The following GABRG3 variants were observed in gnomAD, a reference collection of about 807,000 sequenced individuals.
The protein encoded by GABRG3 is gamma-aminobutyric acid type A receptor subunit gamma3, also known as gamma-aminobutyric acid receptor subunit gamma-3.
GABRG3 carries 25 observed loss-of-function variants against 48.8 expected under a neutral mutation model. The ratio of observed to expected loss-of-function variants is 0.51; its 90% CI spans 0.37 to 0.72. GABRG3 has a LOEUF of 0.72. Among genes scored for constraint, GABRG3 ranks in the 30% least tolerant of loss-of-function variants. GABRG3 has a pLI of 0.00. For synonymous variants in GABRG3, 227 were observed against 217.6 expected (o/e 1.04, Z -0.38); for missense variants, 394 against 577.9 (o/e 0.68, Z 3.26).
At chr15:27,324,348 G>A (rs945397304) in intron 3 of GABRG3, among the ~76,000 whole-genome samples, 1 of 152,120 alleles carries the variant, frequency 6.6e-6, no homozygotes, top group Non-Finnish European at 1.5e-5. Flanking sequence ...GTACTAAGGT[G>A]GAAAAGGGCC....
intron 3 of GABRG3, among the ~76,000 whole-genome samples, chr15:27,253,919 T>C (rs1890535882): frequency 6.6e-6 from 1 of 152,244 alleles, no homozygotes; most frequent in African/African-American, 2.4e-5. Context: ...GCTGGTGATA[T>C]TTTAAATTTC....
In GABRG3 at chr15:27,263,886, A is replaced by G. The variant is rs540545068; in HGVS notation, c.271-62923A>G. ...GCTTGTAGTGAGCCGAGATCGCGCCACTGCACTCCAGCCTGGGCGAAAGAG... is the reference window on the plus strand; with the variant it reads ...GCTTGTAGTGAGCCGAGATCGCGCCGCTGCACTCCAGCCTGGGCGAAAGAG... On this transcript the variant is annotated intron_variant, in intron 3 of 9. Transcript: ENST00000615808. Among the ~76,000 whole-genome samples, 7 of 151,696 alleles carry G rather than the reference A, an allele frequency of 4.6e-5. No homozygotes were observed. The South Asian group carries it at 1.3e-3, about 27-fold the overall frequency.
intron 3 of GABRG3, among the ~76,000 whole-genome samples, chr15:27,245,698 C>G (rs759243738): frequency 2.3e-4 from 35 of 151,586 alleles, no homozygotes; most frequent in Non-Finnish European, 3.8e-4. Context: ...ATGGTGAAAC[C>G]CTGTCTCTAC....
chr15:27,492,958 G>T (rs948721034), intron 6 of GABRG3, among the ~76,000 whole-genome samples: 3 of 152,128 alleles, frequency 2.0e-5, no homozygotes, highest in African/African-American at 7.2e-5. Flanking sequence ...AAAATCTTCT[G>T]TATTGTTTTA....
intron 3 of GABRG3, among the ~76,000 whole-genome samples, chr15:27,125,583 C>T (rs1897805948): frequency 6.6e-6 from 1 of 152,176 alleles, no homozygotes; most frequent in South Asian, 2.1e-4. Context: ...AAGTATCACT[C>T]TGTATTCCAT....
chr15:26,980,415 T>C (rs1256383821), intron 2 of GABRG3, among the ~76,000 whole-genome samples: 2 of 152,160 alleles, frequency 1.3e-5, no homozygotes, highest in Non-Finnish European at 2.9e-5. Context: ...CGGTGGCTCA[T>C]GCCTGTAGTC....
chr15:27,069,883 CT>C (rs1896799409), intron 3 of GABRG3, among the ~76,000 whole-genome samples: 1 of 152,216 alleles, frequency 6.6e-6, no homozygotes, highest in African/African-American at 2.4e-5. Context: ...GCAGTAGTGC[CT>C]GTGGATCTTG....
chr15:27,106,460 A>G (rs1215840416), intron 3 of GABRG3, among the ~76,000 whole-genome samples: 1 of 152,016 alleles, frequency 6.6e-6, no homozygotes, highest in Non-Finnish European at 1.5e-5. Flanking sequence ...AAAAAGAAGG[A>G]ATGAAGGAAA....
chr15:27,458,309 T>C (rs1001833725), intron 5 of GABRG3, among the ~76,000 whole-genome samples: 1 of 152,230 alleles, frequency 6.6e-6, no homozygotes, highest in Non-Finnish European at 1.5e-5. Flanking sequence ...CTTGACGCTG[T>C]TTATCTTCAT....
At chr15:27,508,951 C>A (rs1365335042) in intron 6 of GABRG3, among the ~76,000 whole-genome samples, 1 of 152,090 alleles carries the variant, frequency 6.6e-6, no homozygotes, top group African/African-American at 2.4e-5. Context: ...AATCTCCTGA[C>A]CTCCTGATCC....
chr15:27,265,354 A>G (rs1890884724), intron 3 of GABRG3, among the ~76,000 whole-genome samples: 2 of 152,214 alleles, frequency 1.3e-5, no homozygotes. Flanking sequence ...TTTGTTCTAA[A>G]TACTCTCATA....
intron 5 of GABRG3, among the ~76,000 whole-genome samples, chr15:27,474,753 A>G (rs1297814756): frequency 6.6e-6 from 1 of 152,216 alleles, no homozygotes; most frequent in African/African-American, 2.4e-5. Flanking sequence ...TTCTTTTGAA[A>G]CATTACCTGT....
intron 3 of GABRG3, among the ~76,000 whole-genome samples, chr15:27,041,044 A>T (rs78013926): frequency 6.6e-6 from 1 of 151,902 alleles, no homozygotes; most frequent in Admixed American, 6.6e-5. Context: ...ATTTACTGAA[A>T]TTTTTTTCTC....
intron 3 of GABRG3, among the ~76,000 whole-genome samples, chr15:27,047,148 G>A (rs1359407153): frequency 6.6e-6 from 1 of 152,088 alleles, no homozygotes; most frequent in Non-Finnish European, 1.5e-5. Flanking sequence ...AACATATAGG[G>A]TATCTTCAGG....
At chr15:27,483,018 T>C (rs1428802101) in intron 6 of GABRG3, 1 of 152,248 alleles carries the variant, frequency 6.6e-6, no homozygotes, top group Non-Finnish European at 1.5e-5. Context: ...TTTATGACAT[T>C]CTGAGACTTG....
rs1207038888 is a variant in GABRG3 at position 27,180,152 on chromosome 15, C to T, written c.271-146657C>T. Among the ~76,000 whole-genome samples, 3 of 152,006 alleles carry T rather than the reference C, an allele frequency of 2.0e-5. No homozygotes were observed. The highest frequency in any genetic ancestry group is 7.3e-5 in the African/African-American group (3 of 41,358). ...AGCTCACAAAGAAGTTGTCCAGGCC[C>T]GGGGGGTGAGATACATAAATTGAGC... is the stretch of plus-strand genomic sequence containing the variant. On this transcript the variant is annotated intron_variant, in intron 3 of 9. Coordinates refer to ENST00000615808, the MANE Select transcript of GABRG3 (RefSeq NM_033223.5). The surrounding 1 kb of genome is among the most constrained non-coding windows in gnomAD (Gnocchi z 4.2).
rs1887863305 is a variant in GABRG3 at position 27,179,686 on chromosome 15, A to G, written c.271-147123A>G. 2.0e-5 allele frequency among the ~76,000 whole-genome samples: 3 copies of G among 152,088 alleles called. No individual in the cohort carries two copies. The highest frequency in any genetic ancestry group is 2.0e-4 in the Admixed American group (3 of 15,264). ...GGGTCCATTCATCTTGTATCTTCAGAAGTTTTGTTTGATTCTCTATTTGTT... is the reference window on the plus strand; with the variant it reads ...GGGTCCATTCATCTTGTATCTTCAGGAGTTTTGTTTGATTCTCTATTTGTT... On this transcript the variant is annotated intron_variant, in intron 3 of 9. Transcript: ENST00000615808. This position sits in a 1 kb window ranked among gnomAD's most constrained non-coding sequence, Gnocchi z 4.0.
chr15:27,325,394 G>T (rs1231046070), intron 3 of GABRG3, among the ~76,000 whole-genome samples: 1 of 152,162 alleles, frequency 6.6e-6, no homozygotes. Context: ...TGGCTGCTGA[G>T]CCATGAGAGG....
intron 2 of GABRG3, among the ~76,000 whole-genome samples, chr15:27,008,470 A>G (rs1428302854): frequency 6.6e-6 from 1 of 152,176 alleles, no homozygotes; most frequent in Non-Finnish European, 1.5e-5. Flanking sequence ...TGGGATAGGA[A>G]TCTTTTGGCT....
Sources: allele counts gnomAD v4.1 joint callset (sites outside exome capture counted in the v4.1 genomes callset), GRCh38; gene constraint gnomAD v4.1.1; non-coding constraint Gnocchi (gnomAD v3.1); transcripts MANE v1.5; gene names NCBI Gene and HGNC (gene_info 2026-07-23, HGNC 2026-07-21).